The following ZAN variants were observed in gnomAD, a reference collection of about 807,000 sequenced individuals.
The protein encoded by ZAN is zonadhesin (gene/pseudogene).
A neutral mutation model predicts 286.2 loss-of-function variants in ZAN; 260 were observed. The observed-to-expected ratio is 0.91, with a 90% CI of 0.82 to 1.01. The LOEUF (loss-of-function observed/expected upper bound fraction) is 1.01, where lower values mean the gene tolerates loss of function less well. ZAN is among the 50% of genes least tolerant of loss of function. ZAN has a pLI of 0.00. For missense variants in ZAN, 3,410 were observed against 3,639.2 expected (o/e 0.94, Z 1.62); for synonymous variants, 1,368 against 1,417.5 (o/e 0.97, Z 0.79).
At chr7:100,738,250 G>A (rs893073938) in intron 6 of ZAN, among the ~76,000 whole-genome samples, 4 of 139,898 alleles carry the variant, frequency 2.9e-5, no homozygotes, top group Admixed American at 7.1e-5. Flanking sequence ...AAGTCACCGT[G>A]CCAAGAACTT....
Position 100,792,012 on chromosome 7 carries a change from C to T in ZAN, c.7576C>T (p.Arg2526Cys), listed in dbSNP as rs377196193. ...EEGQGAELGLRTGLQVSECSP... is the reference protein window; with the variant it reads ...EEGQGAELGLCTGLQVSECSP... ...GGGACAAGGGGCGGAGCTGGGCCTC[C>T]GCACGGGCCTCCAAGTGTCCGAATG... The change falls in exon 41 of 48, where the codon CGC becomes TGC. Residue 2526 changes from arginine (R) to cysteine (C), a missense_variant. Arg to Cys is a radical substitution (Grantham distance 180). Transcript: ENST00000613979. 2.4e-5 allele frequency: 38 copies of T among 1,613,162 alleles called. No individual in the cohort carries two copies. The highest frequency in any genetic ancestry group is 3.3e-5 in the Admixed American group (2 of 59,962).
At chr7:100,779,944 C>T (rs1008756837) in intron 35 of ZAN, among the ~76,000 whole-genome samples, 194 bp downstream of exon 35, 1 of 152,096 alleles carries the variant, frequency 6.6e-6, no homozygotes, top group African/African-American at 2.4e-5. Context: ...CCTATAATCC[C>T]AGCACTTGGG....
Position 100,751,828 on chromosome 7 carries a change from G to A in ZAN, c.1723G>A (p.Glu575Lys). The change falls in exon 14 of 48, where the codon GAA becomes AAA. Residue 575 changes from glutamate to lysine, a missense_variant. By Grantham distance (56) the Glu-to-Lys change is moderately conservative (BLOSUM62 1). Around this residue, in one of 7 missense-constraint regions of ZAN, gnomAD observed 872 missense variants for 938.9 expected, o/e 0.93. Transcript: ENST00000613979. Reference sequence around the variant, plus strand: ...CACCAAGAAACCTACAGTTTCCATAGAAAAACCCAGTGTCACCACAGAAAA... The same window carrying A: ...CACCAAGAAACCTACAGTTTCCATAAAAAAACCCAGTGTCACCACAGAAAA... ...ISTKKPTVSIEKPSVTTEKPT... is the reference protein window; with the variant it reads ...ISTKKPTVSIKKPSVTTEKPT... 1 of 1,613,438 alleles carries A rather than the reference G, an allele frequency of 6.2e-7. No homozygotes were observed. The highest frequency in any genetic ancestry group is 1.1e-5 in the South Asian group (1 of 91,024).
At position 100,784,829 on chromosome 7, in the gene ZAN, A is replaced by C. The variant is rs201569129; in HGVS notation, c.6829A>C (p.Ile2277Leu). Reference sequence around the variant, plus strand: ...CTGCAAGGATGCCCATGGTGGCTCCATCCCTGTGAGTGGGCATGGGAAATG... The same window carrying C: ...CTGCAAGGATGCCCATGGTGGCTCCCTCCCTGTGAGTGGGCATGGGAAATG... ...CGCKDAHGGS[I>L]PLGKSWVSSG... is the part of the protein sequence containing the mutation. Residue 2277 changes from isoleucine to leucine, a missense_variant, in exon 36 of 48, where the codon ATC becomes CTC. By Grantham distance (5) the Ile-to-Leu change is conservative. This residue lies in a region of ZAN where 1,289 missense variants were observed against 1,314.3 expected (regional missense o/e 0.98). Coordinates refer to ENST00000613979, the MANE Select transcript of ZAN (RefSeq NM_003386.3). The C allele has an allele frequency of 4.7e-4, 741 of 1,592,956 alleles. 3 individuals carry two copies. The highest frequency in any genetic ancestry group is 1.3e-3 in the South Asian group (113 of 88,666).
intron 42 of ZAN, 37 bp downstream of exon 42, chr7:100,792,516 G>A (rs1812049571): frequency 6.2e-7 from 1 of 1,612,442 alleles, no homozygotes; most frequent in African/African-American, 1.3e-5. Context: ...GCGCTGCCCT[G>A]GCTGGCTGGC....
chr7:100,766,578 C>T lies in ZAN; in HGVS notation c.4524C>T (p.Ser1508=), dbSNP rs1418844500. Residue 1508 remains serine, a synonymous_variant, in exon 24 of 48, where the codon AGC becomes AGT. Coordinates refer to ENST00000613979, the MANE Select transcript of ZAN (RefSeq NM_003386.3). ...GCAAAGAGTTGTGCGTCTGTGAAAG[C>T]AACAACAGAATTCGCTGCCAGCCCT... ...PGCKELCVCE[S]NNRIRCQPWR... 1 of 1,552,440 alleles carries T rather than the reference C, an allele frequency of 6.4e-7. No individual in the cohort carries two copies. Among genetic ancestry groups the T allele is most frequent in the Non-Finnish European group, 8.7e-7 (1 of 1,147,438 alleles).
At position 100,750,611 on chromosome 7, in the gene ZAN, C is replaced by A. The variant is rs751099839; in HGVS notation, c.1250-14C>A. ...GCAGGCTTCTTACCTTGCCTGTTCC[C>A]TTCCTTTGCCTAGGGGGTCACTATA... On this transcript the variant is annotated splice_polypyrimidine_tract_variant and intron_variant, in intron 11 of 47. Transcript: ENST00000613979. 4 of 1,612,174 alleles carry A rather than the reference C, an allele frequency of 2.5e-6. No individual in the cohort carries two copies. Among genetic ancestry groups the A allele is most frequent in the Non-Finnish European group, 2.5e-6 (3 of 1,179,242 alleles).
rs772752836 is a variant in ZAN at position 100,779,432 on chromosome 7, T to C, written c.6318-14T>C. ...GGGACGGCTGTCCCTAGGCTGATTC[T>C]TTTCCCTTCCCAGTTGTCAGAGTCT... On this transcript the variant is annotated splice_polypyrimidine_tract_variant and intron_variant, in intron 34 of 47. Transcript: ENST00000613979. The C allele has an allele frequency of 1.9e-6, 3 of 1,595,224 alleles. No homozygotes were observed. The South Asian group carries it at 3.3e-5, about 18-fold the overall frequency.
intron 15 of ZAN, among the ~76,000 whole-genome samples, chr7:100,755,934 A>G (rs1415600654): frequency 6.6e-6 from 1 of 152,058 alleles, no homozygotes; most frequent in Non-Finnish European, 1.5e-5. Flanking sequence ...TCTGTCACCC[A>G]GGCTGGAGTG....
chr7:100,777,714 C>T (rs1206134749), intron 34 of ZAN, among the ~76,000 whole-genome samples: 1 of 152,030 alleles, frequency 6.6e-6, no homozygotes, highest in Non-Finnish European at 1.5e-5. Flanking sequence ...CTGTAGGGCA[C>T]ACCTGGGGCA....
rs1000747952 is a variant in ZAN, at chr7:100,790,179, G to A, written c.7358-763G>A. On this transcript the variant is annotated intron_variant, in intron 39 of 47. Coordinates refer to ENST00000613979, the MANE Select transcript of ZAN (RefSeq NM_003386.3). Reference sequence around the variant, plus strand: ...CTGGAAAGGCCGAGGAGAGAGGATCGCTTGAGCCCAGAAGTTGGAGGCTGC... The same window carrying A: ...CTGGAAAGGCCGAGGAGAGAGGATCACTTGAGCCCAGAAGTTGGAGGCTGC... 1.3e-4 allele frequency among the ~76,000 whole-genome samples: 20 copies of A among 152,106 alleles called. No homozygotes were observed. The South Asian group carries it at 2.1e-3, about 16-fold the overall frequency.
At chr7:100,771,765 A>C (rs960793049) in intron 28 of ZAN, 79 bp from the exon 29 acceptor site, 1 of 1,457,794 alleles carries the variant, frequency 6.9e-7, no homozygotes, top group Non-Finnish European at 9.3e-7. Context: ...GTGGATGTCG[A>C]ATCAGCCCCA....
At chr7:100,736,669 G>C (rs1275059287) in intron 4 of ZAN, 40 bp downstream of exon 4, 1 of 1,515,354 alleles carries the variant, frequency 6.6e-7, no homozygotes, top group Admixed American at 1.8e-5. Flanking sequence ...GAGCAGGGAG[G>C]TGGCTGGGAG....
At chr7:100,738,386 C>CT in intron 6 of ZAN, 75 bp from the exon 7 acceptor site, 1 of 1,324,666 alleles carries the variant, frequency 7.5e-7, no homozygotes, top group Non-Finnish European at 1.0e-6. Flanking sequence ...CCACTGTACT[C>CT]TAGCCTGGGT....
chr7:100,779,993 G>A (rs985642034), intron 35 of ZAN, among the ~76,000 whole-genome samples: 2 of 152,196 alleles, frequency 1.3e-5, no homozygotes, highest in Non-Finnish European at 1.5e-5. Flanking sequence ...TCAGGAGTTC[G>A]AGACCAGCCT....
At chr7:100,768,797 C>T (rs897663346) in intron 27 of ZAN, 76 bp downstream of exon 27, 13 of 1,236,934 alleles carry the variant, frequency 1.1e-5, no homozygotes, top group East Asian at 5.1e-5. Flanking sequence ...TTGGAAGTGT[C>T]CTCTGTGTGT....
At chr7:100,789,170 G>A in intron 38 of ZAN, 48 bp from the exon 39 acceptor site, 1 of 1,593,928 alleles carries the variant, frequency 6.3e-7, no homozygotes, top group Non-Finnish European at 8.6e-7. Flanking sequence ...AATGGCAGCA[G>A]GTCAGGAGGA....
Position 100,738,442 on chromosome 7 carries a change from C to G in ZAN, c.614-19C>G. 6.9e-7 allele frequency: 1 copy of G among 1,454,454 alleles called. No homozygotes were observed. The highest frequency in any genetic ancestry group is 9.3e-7 in the Non-Finnish European group (1 of 1,069,828). 90.1% of individuals were successfully genotyped at this position (1,454,454 alleles called of 1,614,324 possible). The stretch of plus-strand genomic sequence containing the variant: ...AAAAGAAGAAAACATTATATCTTCC[C>G]TTCTTTCTTTCCTCTCAGTCTGTAT... On this transcript the variant is annotated intron_variant, in intron 6 of 47. Transcript: ENST00000613979.
intron 7 of ZAN, among the ~76,000 whole-genome samples, chr7:100,745,155 A>T (rs540265280): frequency 6.6e-6 from 1 of 151,856 alleles, no homozygotes; most frequent in South Asian, 2.1e-4. Context: ...AAGTGCTGGG[A>T]TTACAGGCGT....
Sources: allele counts gnomAD v4.1 joint callset (sites outside exome capture counted in the v4.1 genomes callset), GRCh38; gene constraint gnomAD v4.1.1; regional missense constraint gnomAD v4.1.1; transcripts MANE v1.5; gene names NCBI Gene and HGNC (gene_info 2026-07-23, HGNC 2026-07-21).